Variants in OFD1 observed in about 807,000 individuals in gnomAD.
OFD1 encodes the protein OFD1 centriole and centriolar satellite protein, also known as centriole and centriolar satellite protein OFD1.
Under a neutral mutation model 81.4 loss-of-function variants are expected in OFD1, and 12 were observed. The observed-to-expected ratio is 0.15, with a 90% CI of 0.09 to 0.24. OFD1 has a LOEUF of 0.24. Ranked by LOEUF, OFD1 falls within the 10% of genes least tolerant of loss-of-function variation. OFD1 has a pLI of 1.00. For missense variants in OFD1, 685 were observed against 733.9 expected, an observed-to-expected ratio of 0.93 and a Z score of 0.77; for synonymous variants, 256 against 263.7, an observed-to-expected ratio of 0.97 and a Z score of 0.28.
At chrX:13,728,834 T>C in the OFD1 span, among the ~76,000 whole-genome samples, 3 of 112,036 alleles carry the variant, frequency 2.7e-5, no homozygotes, top group Non-Finnish European at 1.9e-5. Context: ...GATGACATGA[T>C]TGTAAATTTA....
intron 5 of OFD1, among the ~76,000 whole-genome samples, chrX:13,744,126 A>G (rs2047205361): frequency 9.0e-6 from 1 of 111,000 alleles, no homozygotes; most frequent in Non-Finnish European, 1.9e-5. Flanking sequence ...CTGTTTATAC[A>G]AAAAGTAAAA....
At chrX:13,719,248 C>A in the OFD1 span, among the ~76,000 whole-genome samples, 4 of 103,273 alleles carry the variant, frequency 3.9e-5, no homozygotes, top group South Asian at 4.4e-4. Context: ...TTCCTTGTCT[C>A]AAAAAAAAAA....
intron 8 of OFD1, 24 bp downstream of exon 8, chrX:13,746,977 G>A: frequency 7.6e-6 from 9 of 1,188,709 alleles, no homozygotes; most frequent in Non-Finnish European, 1.0e-5. Flanking sequence ...ATATTTTATG[G>A]GTGGCTATTT....
the OFD1 span, among the ~76,000 whole-genome samples, chrX:13,717,656 T>C: frequency 6.3e-3 from 701 of 110,812 alleles, 4 homozygotes; most frequent in African/African-American, 0.022. Context: ...GGAGAATTGC[T>C]TGAACCTGGG....
rs151255070 is a variant in OFD1, at chrX:13,760,880, C to G, written c.2260+160C>G. ...AGTGATAGTTGCCTTGCCTTTGCTGCCTGTTGGTTTCCTGCATTTTATTAT... is the reference window on the plus strand; with the variant it reads ...AGTGATAGTTGCCTTGCCTTTGCTGGCTGTTGGTTTCCTGCATTTTATTAT... On this transcript the variant is annotated intron_variant, in intron 16 of 22. Transcript: ENST00000340096. 9.8e-3 allele frequency among the ~76,000 whole-genome samples: 1,095 copies of G among 112,191 alleles called. 15 individuals are homozygous for G. The highest frequency in any genetic ancestry group is 0.046 in the South Asian group (125 of 2,728).
the OFD1 span, among the ~76,000 whole-genome samples, chrX:13,726,573 C>G: frequency 9.0e-6 from 1 of 111,617 alleles, no homozygotes; most frequent in Non-Finnish European, 1.9e-5. Flanking sequence ...TTTGTCACCA[C>G]CAGGCCTGCC....
the OFD1 span, among the ~76,000 whole-genome samples, chrX:13,728,728 A>G: frequency 8.9e-6 from 1 of 112,103 alleles, no homozygotes; most frequent in Non-Finnish European, 1.9e-5. Flanking sequence ...CCTATTCAAC[A>G]TAGTGTTGGA....
the OFD1 span, among the ~76,000 whole-genome samples, chrX:13,717,034 TAAA>T: frequency 0.2 from 7,609 of 37,200 alleles, 156 homozygotes; most frequent in Non-Finnish European, 0.22. Flanking sequence ...GATACTATGT[TAAA>T]AAAAAAAAAA....
intron 5 of OFD1, chrX:13,739,317 AATAACTT>A (rs985097731): frequency 3.3e-6 from 1 of 299,678 alleles, no homozygotes; most frequent in African/African-American, 2.8e-5. Context: ...AAAAAAAACT[AATAACTT>A]TTAGGCCAAG....
At chrX:13,734,227 C>T, upstream of OFD1, 2 of 427,543 alleles carry the variant, frequency 4.7e-6, no homozygotes, top group East Asian at 7.8e-5. Flanking sequence ...ACCTACAATG[C>T]ACAGGACAGC....
chrX:13,729,604 T>C, the OFD1 span, among the ~76,000 whole-genome samples: 1 of 112,131 alleles, frequency 8.9e-6, no homozygotes, highest in Non-Finnish European at 1.9e-5. Context: ...TAATTCAAGA[T>C]GGATTAAAGA....
chrX:13,749,544 C>G lies in OFD1; in HGVS notation c.935+11C>G, dbSNP rs1262731133. On this transcript the variant is annotated intron_variant, in intron 9 of 22. Transcript: ENST00000340096. ...TGAAGCTTTTGAATTGTAAGTAATG[C>G]ATGTTCATTTTGGATATTCAGAATG... is the stretch of plus-strand genomic sequence containing the variant. 3 of 1,003,889 alleles carry G rather than the reference C, an allele frequency of 3.0e-6. No individual in the cohort carries two copies. The highest frequency in any genetic ancestry group is 4.2e-6 in the Non-Finnish European group (3 of 708,488). 82.7% of individuals were successfully genotyped at this position (1,003,889 alleles called of 1,213,427 possible).
downstream of OFD1, chrX:13,772,234 C>G (rs1012006715): frequency 8.9e-6 from 1 of 112,023 alleles, no homozygotes; most frequent in African/African-American, 3.3e-5. Context: ...CATCCAGATT[C>G]TTTAATAGTA....
chrX:13,744,591 C>A, intron 6 of OFD1, 72 bp downstream of exon 6: 1 of 682,368 alleles, frequency 1.5e-6, no homozygotes, highest in Non-Finnish European at 2.4e-6. Flanking sequence ...ATCTGATTTA[C>A]CATATTGTGT....
chrX:13,755,064 G>T, intron 11 of OFD1, 87 bp from the exon 12 acceptor site: 2 of 652,875 alleles, frequency 3.1e-6, no homozygotes, highest in Non-Finnish European at 5.1e-6. Context: ...TGGTCATTAG[G>T]TCTGACATAC....
the OFD1 span, chrX:13,716,516 C>T: frequency 7.4e-6 from 9 of 1,208,845 alleles, no homozygotes; most frequent in Non-Finnish European, 1.0e-5. Context: ...GTTACCTTTA[C>T]TAAGAAGGTA....
At chrX:13,736,370 A>C (rs995853636) in intron 2 of OFD1, 108 bp from the exon 3 acceptor site, 1 of 1,096,623 alleles carries the variant, frequency 9.1e-7, no homozygotes, top group Non-Finnish European at 1.2e-6. Flanking sequence ...AATAGAAGGA[A>C]GGTTTCCAAT....
At chrX:13,749,644 A>G (rs2047430846) in intron 9 of OFD1, 111 bp downstream of exon 9, 11 of 530,441 alleles carry the variant, frequency 2.1e-5, no homozygotes, top group Non-Finnish European at 3.3e-5. Flanking sequence ...TCTTATTTGT[A>G]AAGGGGATAT....
rs1479039618 is a variant in OFD1 at position 13,767,149 on chromosome X, A to G, written c.2622A>G (p.Glu874=). The change falls in exon 20 of 23, where the codon GAA becomes GAG. Residue 874 remains glutamate, a synonymous_variant. Coordinates refer to ENST00000340096, the MANE Select transcript of OFD1 (RefSeq NM_003611.3). ...TAGGTGTAGATCAGAAACAAATTGA[A>G]GAACAAAAGGAAGAAGAAAAAATAC... ...QHPSVDQKQI[E]EQKEEEKIRE... The G allele has an allele frequency of 8.5e-7, 1 of 1,178,484 alleles. No homozygotes were observed. Among genetic ancestry groups the G allele is most frequent in the South Asian group, 1.8e-5 (1 of 54,565 alleles).
Sources: gnomAD v4.1 joint callset for allele counts (sites outside exome capture counted in the v4.1 genomes callset) on GRCh38, gnomAD v4.1.1 for gene constraint, MANE v1.5 for transcripts, NCBI Gene and HGNC (gene_info 2026-07-23, HGNC 2026-07-21) for gene names.